The following RGS6 variants were observed in gnomAD, a reference collection of about 807,000 sequenced individuals.
RGS6 encodes regulator of G-protein signaling 6.
In RGS6, 30 loss-of-function variants were observed where a neutral mutation model predicts 78.5. That is an observed-to-expected ratio of 0.38 (90% CI 0.29 to 0.52). RGS6 has a LOEUF of 0.52. Among genes scored for constraint, RGS6 ranks in the 20% least tolerant of loss-of-function variants. RGS6 has a pLI of 0.85. For missense variants in RGS6, 495 were observed against 609.7 expected (o/e 0.81, Z 1.98); for synonymous variants, 206 against 206.0 (o/e 1.00, Z 0.00).
chr14:71,998,023 G>C (rs180891095), intron 2 of RGS6, among the ~76,000 whole-genome samples: 3 of 152,174 alleles, frequency 2.0e-5, no homozygotes, highest in Non-Finnish European at 4.4e-5. Context: ...AGGGCCTGAC[G>C]ACGTGCTCAA....
chr14:72,607,265 A>C, the RGS6 span, among the ~76,000 whole-genome samples: 1 of 152,182 alleles, frequency 6.6e-6, no homozygotes, highest in Non-Finnish European at 1.5e-5. Flanking sequence ...GCTTATCAAC[A>C]ATAAGCCAAA....
intron 2 of RGS6, among the ~76,000 whole-genome samples, chr14:72,226,219 C>A (rs1453495474): frequency 6.6e-6 from 1 of 152,216 alleles, no homozygotes; most frequent in East Asian, 1.9e-4. Context: ...CCACTGAAAT[C>A]ATTTTTAATT....
chr14:72,124,022 T>G (rs1265035950), intron 2 of RGS6, among the ~76,000 whole-genome samples: 1 of 152,166 alleles, frequency 6.6e-6, no homozygotes, highest in Non-Finnish European at 1.5e-5. Context: ...TCTATAACAT[T>G]CGCTTAGAAT....
intron 6 of RGS6, among the ~76,000 whole-genome samples, chr14:72,460,599 T>G (rs2095753433): frequency 6.6e-6 from 1 of 152,180 alleles, no homozygotes; most frequent in Non-Finnish European, 1.5e-5. Context: ...TCTTTCACGG[T>G]CCCATGTGTG....
chr14:72,553,970 A>G (rs757915929), intron 17 of RGS6, among the ~76,000 whole-genome samples: 4 of 152,232 alleles, frequency 2.6e-5, no homozygotes, highest in Admixed American at 1.3e-4. Context: ...CTCTGTAGCT[A>G]AGAGTTCCAA....
intron 3 of RGS6, among the ~76,000 whole-genome samples, chr14:72,396,443 A>G (rs2091292496): frequency 6.6e-6 from 1 of 152,112 alleles, no homozygotes. Context: ...TATTAGCCCT[A>G]GCCCTTTGTC....
chr14:72,260,095 C>T (rs888052936), intron 2 of RGS6, among the ~76,000 whole-genome samples: 3 of 151,980 alleles, frequency 2.0e-5, no homozygotes, highest in Non-Finnish European at 4.4e-5. Flanking sequence ...ATATTTTCAT[C>T]AGAAAAGAGT....
intron 2 of RGS6, among the ~76,000 whole-genome samples, chr14:72,252,902 A>C (rs1021991088): frequency 1.3e-5 from 2 of 152,172 alleles, no homozygotes; most frequent in African/African-American, 4.8e-5. Flanking sequence ...AACTGACTCA[A>C]ATATACTGGG....
chr14:72,178,095 C>T (rs28415081), intron 2 of RGS6, among the ~76,000 whole-genome samples: 4,007 of 152,314 alleles, frequency 0.026, 167 homozygotes, highest in African/African-American at 0.091. Context: ...TTGTTTCTCA[C>T]TCACTGAAAA....
chr14:72,424,815 A>T (rs966298834), intron 3 of RGS6, among the ~76,000 whole-genome samples: 2 of 152,224 alleles, frequency 1.3e-5, no homozygotes, highest in African/African-American at 4.8e-5. Flanking sequence ...CAATGCTATA[A>T]TCCCTGCCCA....
At chr14:71,895,943 T>G in the RGS6 span, among the ~76,000 whole-genome samples, 2 of 152,044 alleles carry the variant, frequency 1.3e-5, no homozygotes, top group Non-Finnish European at 2.9e-5. Flanking sequence ...CTCTTTGATT[T>G]CCAGTCTCCT....
intron 3 of RGS6, among the ~76,000 whole-genome samples, chr14:72,436,938 A>G (rs990489163): frequency 6.6e-6 from 1 of 152,168 alleles, no homozygotes. Flanking sequence ...CCCTCACCTT[A>G]AGAACCCTCA....
At chr14:71,933,477 C>T (rs1398613979) in intron 1 of RGS6, among the ~76,000 whole-genome samples, 1 of 152,080 alleles carries the variant, frequency 6.6e-6, no homozygotes, top group African/African-American at 2.4e-5. Context: ...GGTGGCTATT[C>T]GCTTGGAGAG....
At chr14:72,396,497 C>T (rs1264212397) in intron 3 of RGS6, among the ~76,000 whole-genome samples, 1 of 152,066 alleles carries the variant, frequency 6.6e-6, no homozygotes, top group Non-Finnish European at 1.5e-5. Context: ...TGTAGGTTGC[C>T]TGTTCACTCT....
intron 2 of RGS6, among the ~76,000 whole-genome samples, chr14:72,292,632 C>A (rs917775670): frequency 1.3e-5 from 2 of 152,226 alleles, no homozygotes; most frequent in Non-Finnish European, 2.9e-5. Context: ...CAGGCCTGAC[C>A]TGCTCTTGTT....
At chr14:72,606,597 G>A in the RGS6 span, among the ~76,000 whole-genome samples, 1 of 152,160 alleles carries the variant, frequency 6.6e-6, no homozygotes, top group Non-Finnish European at 1.5e-5. Context: ...AAAAAGCAGA[G>A]GAAGGCCGTT....
At chr14:72,515,167 G>A (rs2096925299) in intron 14 of RGS6, among the ~76,000 whole-genome samples, 1 of 152,092 alleles carries the variant, frequency 6.6e-6, no homozygotes, top group Admixed American at 6.6e-5. Flanking sequence ...CCCAGTGTGT[G>A]CAGGGAGAGA....
intron 6 of RGS6, among the ~76,000 whole-genome samples, chr14:72,462,631 T>G (rs2095810266): frequency 6.6e-6 from 1 of 152,198 alleles, no homozygotes; most frequent in African/African-American, 2.4e-5. Flanking sequence ...AAACGGTACT[T>G]GGCCCATAGG....
intron 2 of RGS6, among the ~76,000 whole-genome samples, chr14:72,036,264 C>CGTTTT (rs139770357): frequency 0.023 from 3,430 of 149,726 alleles, 119 homozygotes; most frequent in African/African-American, 0.077. Flanking sequence ...GAACATAACC[C>CGTTTT]GTTTTGTTTT....
Sources: gnomAD v4.1 joint callset for allele counts (sites outside exome capture counted in the v4.1 genomes callset) on GRCh38, gnomAD v4.1.1 for gene constraint, MANE v1.5 for transcripts, NCBI Gene and HGNC (gene_info 2026-07-23, HGNC 2026-07-21) for gene names.